Variants in HDAC8 observed in about 807,000 individuals in gnomAD.
HDAC8 encodes histone deacetylase-like 1.
In HDAC8, 1 loss-of-function variant was observed where a neutral mutation model predicts 32.2. The observed-to-expected ratio is 0.03, with a 90% CI of 0.01 to 0.15. The LOEUF is 0.15. Ranked by LOEUF, HDAC8 falls within the 10% of genes least tolerant of loss-of-function variation. The probability of loss-of-function intolerance (pLI) is 1.00; values close to 1 mark genes in which losing one functional copy is unlikely to be tolerated. For synonymous variants in HDAC8, 108 were observed against 113.9 expected (o/e 0.95, Z 0.33); for missense variants, 117 against 300.0 (o/e 0.39, Z 4.51).
intron 4 of HDAC8, among the ~76,000 whole-genome samples, chrX:72,519,559 G>A (rs1402530100): frequency 1.8e-5 from 2 of 111,769 alleles, no homozygotes; most frequent in African/African-American, 6.5e-5. Flanking sequence ...TAATGATACT[G>A]AGCATCTTCT....
intron 8 of HDAC8, among the ~76,000 whole-genome samples, chrX:72,463,263 A>G (rs1048335747): frequency 8.9e-6 from 1 of 112,416 alleles, no homozygotes; most frequent in Non-Finnish European, 1.9e-5. Context: ...GGTTTTGCTT[A>G]GGTAGTAAAC....
chrX:72,461,023 A>G (rs1267602896), intron 9 of HDAC8, among the ~76,000 whole-genome samples: 9 of 112,023 alleles, frequency 8.0e-5, no homozygotes, highest in Non-Finnish European at 1.7e-4. Flanking sequence ...GTTAGGAGAA[A>G]ATTGGAAGGA....
intron 4 of HDAC8, among the ~76,000 whole-genome samples, chrX:72,564,026 G>A (rs2051686762): frequency 9.0e-6 from 1 of 111,186 alleles, no homozygotes; most frequent in Non-Finnish European, 1.9e-5. Context: ...CGGGCATGGT[G>A]GCACGCGCCT....
chrX:72,571,983 T>C, intron 2 of HDAC8, 74 bp downstream of exon 2: 1 of 860,823 alleles, frequency 1.2e-6, no homozygotes, highest in Non-Finnish European at 1.6e-6. Flanking sequence ...TTCTTTTCCT[T>C]GCCCCACTGT....
chrX:72,549,915 C>T (rs1048041464), intron 4 of HDAC8, among the ~76,000 whole-genome samples: 4 of 111,713 alleles, frequency 3.6e-5, no homozygotes, highest in East Asian at 2.8e-4. Context: ...TCTGGTTTAA[C>T]GGCCAACTAT....
Position 72,547,527 on chromosome X carries a change from C to A in HDAC8, c.437+20362G>T, listed in dbSNP as rs186914322. ...CATCTATCTCCAGTTCCAGCTTCTA[C>A]TTCCATTTCCAAATCTGGATATCAA... On this transcript the variant is annotated intron_variant, in intron 4 of 10. Coordinates refer to ENST00000373573, the MANE Select transcript of HDAC8 (RefSeq NM_018486.3). Among the ~76,000 whole-genome samples, 18 of 110,344 alleles carry A rather than the reference C, an allele frequency of 1.6e-4. 1 individual carries two copies. In the East Asian group the frequency reaches 5.1e-3, roughly 31 times the overall value.
chrX:72,479,750 G>A (rs1309086082), intron 7 of HDAC8, among the ~76,000 whole-genome samples: 3 of 112,535 alleles, frequency 2.7e-5, no homozygotes, highest in Admixed American at 1.9e-4. Flanking sequence ...TCAGTTGAGA[G>A]AGGAAGGAGA....
At chrX:72,463,498 C>G (rs1295725892) in intron 8 of HDAC8, among the ~76,000 whole-genome samples, 1 of 111,985 alleles carries the variant, frequency 8.9e-6, no homozygotes, top group African/African-American at 3.2e-5. Flanking sequence ...GTAGAAAGGT[C>G]TCTTCCCCCT....
chrX:72,467,813 T>C (rs782324867), intron 7 of HDAC8: 3 of 586,550 alleles, frequency 5.1e-6, no homozygotes, highest in Non-Finnish European at 7.6e-6. Flanking sequence ...AGAGATAGAT[T>C]TGGGAGAAAT....
At chrX:72,462,295 G>A (rs1005403997) in intron 8 of HDAC8, 197 bp from the exon 9 acceptor site, 34 of 378,717 alleles carry the variant, frequency 9.0e-5, no homozygotes, top group Non-Finnish European at 1.4e-4. Context: ...ATCATGCACA[G>A]TGTAAAACTG....
intron 9 of HDAC8, among the ~76,000 whole-genome samples, chrX:72,401,310 CT>C (rs1189146366): frequency 2.7e-5 from 3 of 112,081 alleles, no homozygotes; most frequent in Non-Finnish European, 5.6e-5. Context: ...TCTTGGCTCA[CT>C]GCAACCTCAA....
chrX:72,556,438 C>T (rs1810918095), intron 4 of HDAC8, among the ~76,000 whole-genome samples: 1 of 111,566 alleles, frequency 9.0e-6, no homozygotes, highest in South Asian at 3.8e-4. Context: ...CTAAATGCTC[C>T]ACTTAAAAGA....
chrX:72,562,852 G>A (rs1556123868), intron 4 of HDAC8, among the ~76,000 whole-genome samples: 1 of 107,224 alleles, frequency 9.3e-6, no homozygotes, highest in East Asian at 2.9e-4. Flanking sequence ...TGATTACAAT[G>A]TGCATACATT....
intron 4 of HDAC8, among the ~76,000 whole-genome samples, chrX:72,502,504 T>C (rs1259382204): frequency 9.0e-6 from 1 of 111,264 alleles, no homozygotes; most frequent in African/African-American, 3.3e-5. Context: ...AAAAGATAAC[T>C]GTTGGGTACT....
intron 4 of HDAC8, among the ~76,000 whole-genome samples, chrX:72,524,742 C>T (rs1348555718): frequency 9.0e-6 from 1 of 111,146 alleles, no homozygotes; most frequent in South Asian, 3.9e-4. Context: ...CAGAATGCCA[C>T]GCTCTCCCTG....
chrX:72,396,276 G>A (rs1335068845), intron 9 of HDAC8, among the ~76,000 whole-genome samples: 2 of 111,987 alleles, frequency 1.8e-5, no homozygotes, highest in African/African-American at 6.5e-5. Context: ...CTCAGTGACT[G>A]AGCACACCCT....
chrX:72,449,513 C>T (rs183498579), intron 9 of HDAC8, among the ~76,000 whole-genome samples: 10 of 110,002 alleles, frequency 9.1e-5, no homozygotes, highest in East Asian at 5.7e-4. Context: ...CACCATGGCA[C>T]GTGTACACCT....
At chrX:72,402,602 C>T (rs781831234) in intron 9 of HDAC8, among the ~76,000 whole-genome samples, 1 of 110,624 alleles carries the variant, frequency 9.0e-6, no homozygotes, top group South Asian at 3.8e-4. Flanking sequence ...TATTCTTTGA[C>T]CCATTAGTTA....
rs928551066 is a variant in HDAC8, at chrX:72,333,388, G to A, written c.1112-3312C>T. Among the ~76,000 whole-genome samples, 3 of 112,038 alleles carry A rather than the reference G, an allele frequency of 2.7e-5. No homozygotes were observed. In the Admixed American group the frequency reaches 2.8e-4, roughly 11 times the overall value. On this transcript the variant is annotated intron_variant, in intron 10 of 10. Coordinates refer to ENST00000373573, the MANE Select transcript of HDAC8 (RefSeq NM_018486.3). ...CTAGCTGTGATCACATTCCTTCTCT[G>A]CTCAAAAAGACTTCAGCAGGCTGGG...
Sources: gnomAD v4.1 joint callset for allele counts (sites outside exome capture counted in the v4.1 genomes callset) on GRCh38, gnomAD v4.1.1 for gene constraint, MANE v1.5 for transcripts, NCBI Gene and HGNC (gene_info 2026-07-23, HGNC 2026-07-21) for gene names.